Variants in PAX3 observed in about 807,000 individuals in gnomAD.
PAX3 encodes paired box protein Pax-3.
PAX3 carries 14 observed loss-of-function variants against 51.6 expected under a neutral mutation model. That is an observed-to-expected ratio of 0.27 (90% CI 0.18 to 0.42). The LOEUF (loss-of-function observed/expected upper bound fraction) is 0.42. Among genes scored for constraint, PAX3 ranks in the 10% least tolerant of loss-of-function variants. PAX3 has a pLI of 1.00. For synonymous variants in PAX3, 280 were observed against 253.4 expected, an observed-to-expected ratio of 1.11 and a Z score of -1.00; for missense variants, 540 against 642.8, an observed-to-expected ratio of 0.84 and a Z score of 1.73.
Position 222,221,294 on chromosome 2 carries a change from G to A in PAX3, c.886C>T (p.Pro296Ser). The A allele has an allele frequency of 6.2e-7, 1 of 1,614,072 alleles. No homozygotes were observed. Among genetic ancestry groups the A allele is most frequent in the South Asian group, 1.1e-5 (1 of 91,080 alleles). The change falls in exon 6 of 9, where the codon CCC becomes TCC. Residue 296 changes from proline (P) to serine (S), a missense_variant. This residue lies in a region of PAX3 where 427 missense variants were observed against 483.6 expected (regional missense o/e 0.88). Transcript: ENST00000392070. ...GTTGGCAAGGTCGGCATGGCAGTGG[G>A]AGGGAACCCCCCGGGAATGAGATGG... is the stretch of plus-strand genomic sequence containing the variant. ...FNHLIPGGFP[P>S]TAMPTLPTYQ...
rs546002140 is a variant in PAX3, at chr2:222,229,830, A to G, written c.792+2248T>C. On this transcript the variant is annotated intron_variant, in intron 5 of 8. Coordinates refer to ENST00000392070, the MANE Select transcript of PAX3 (RefSeq NM_181458.4). ...GCTCATATAATTCCCTATTACTAAT[A>G]TACTCTCCTTATGCACCTGGTCCAG... 1.1e-4 allele frequency among the ~76,000 whole-genome samples: 16 copies of G among 152,310 alleles called. 1 individual carries two copies. The South Asian group carries it at 2.1e-3, about 20-fold the overall frequency.
chr2:222,216,557 C>T (rs1259789824), intron 7 of PAX3, among the ~76,000 whole-genome samples: 1 of 152,196 alleles, frequency 6.6e-6, no homozygotes, highest in Non-Finnish European at 1.5e-5. Context: ...CACACCAGCC[C>T]CTCATGAAGC....
intron 7 of PAX3, 137 bp from the exon 8 acceptor site, chr2:222,202,327 ACC>A (rs1481503954): frequency 5.5e-6 from 4 of 733,478 alleles, no homozygotes; most frequent in Non-Finnish European, 9.6e-6. Context: ...GAGACTATGA[ACC>A]CAATTCTAAG....
At chr2:222,296,536 A>T (rs1025043171) in intron 2 of PAX3, among the ~76,000 whole-genome samples, 1 of 152,098 alleles carries the variant, frequency 6.6e-6, no homozygotes, top group Admixed American at 6.5e-5. Flanking sequence ...ACTGGGGGAG[A>T]CTGAGGGCGG....
At chr2:222,210,459 T>C (rs1691682129) in intron 7 of PAX3, among the ~76,000 whole-genome samples, 3 of 152,262 alleles carry the variant, frequency 2.0e-5, no homozygotes, top group South Asian at 4.1e-4. Flanking sequence ...GACTGTATAT[T>C]TTCAAAAATA....
intron 7 of PAX3, among the ~76,000 whole-genome samples, chr2:222,211,369 ACT>A (rs1176761887): frequency 6.6e-6 from 1 of 152,058 alleles, no homozygotes; most frequent in Non-Finnish European, 1.5e-5. Context: ...CTAAGTTTGA[ACT>A]CTATTGGTGC....
chr2:222,284,348 G>C (rs1414714090), intron 4 of PAX3, among the ~76,000 whole-genome samples: 1 of 152,186 alleles, frequency 6.6e-6, no homozygotes, highest in Non-Finnish European at 1.5e-5. Context: ...TTCCTGATCT[G>C]CTGAAAAAAC....
At chr2:222,257,371 T>C (rs1182780139) in intron 4 of PAX3, among the ~76,000 whole-genome samples, 1 of 152,250 alleles carries the variant, frequency 6.6e-6, no homozygotes, top group East Asian at 1.9e-4. Context: ...TGTACTTTTA[T>C]GTTTTAAGCA....
At chr2:222,219,562 T>C (rs1692101481) in intron 7 of PAX3, among the ~76,000 whole-genome samples, 2 of 152,188 alleles carry the variant, frequency 1.3e-5, no homozygotes, top group South Asian at 4.1e-4. Context: ...CATTCAAATA[T>C]TTATATAGTC....
chr2:222,280,991 G>T (rs1191112362), intron 4 of PAX3, among the ~76,000 whole-genome samples: 1 of 152,214 alleles, frequency 6.6e-6, no homozygotes, highest in Non-Finnish European at 1.5e-5. Flanking sequence ...ACAGACACTG[G>T]CTTCTAGTAA....
intron 4 of PAX3, among the ~76,000 whole-genome samples, chr2:222,269,568 AT>A (rs967341039): frequency 1.3e-4 from 20 of 152,020 alleles, no homozygotes; most frequent in African/African-American, 4.8e-4. Flanking sequence ...GAGTAAACAA[AT>A]TTTTTTAAAA....
At chr2:222,220,095 G>A (rs762097866) in intron 7 of PAX3, 45 bp downstream of exon 7, 2 of 1,519,644 alleles carry the variant, frequency 1.3e-6, no homozygotes, top group Admixed American at 1.7e-5. Context: ...TGAATATTTG[G>A]TTCTGGTATA....
rs1277427402 is a variant in PAX3 at position 222,261,639 on chromosome 2, T to A, written c.587-29356A>T. On this transcript the variant is annotated intron_variant, in intron 4 of 8. Transcript: ENST00000392070. ...AAGAAAAAGAAAAAGAAACACCAAC[T>A]TCTTACCTTCTACTTCCCTTCCCAA... Among the ~76,000 whole-genome samples the A allele has an allele frequency of 2.0e-5, 3 of 152,078 alleles. No homozygotes were observed. The East Asian group carries it at 5.8e-4, about 29-fold the overall frequency.
intron 7 of PAX3, among the ~76,000 whole-genome samples, chr2:222,216,797 C>T (rs990499398): frequency 6.6e-6 from 1 of 152,012 alleles, no homozygotes; most frequent in South Asian, 2.1e-4. Flanking sequence ...ACTAGAAAGC[C>T]CACTCTACAA....
At chr2:222,298,474 T>C (rs1695426002) in intron 1 of PAX3, 57 bp downstream of exon 1, 17 of 1,425,640 alleles carry the variant, frequency 1.2e-5, no homozygotes, top group Non-Finnish European at 1.5e-5. Context: ...GGGGATGGGG[T>C]GAGGCAGCCG....
At chr2:222,276,586 C>T (rs879604071) in intron 4 of PAX3, among the ~76,000 whole-genome samples, 11 of 152,178 alleles carry the variant, frequency 7.2e-5, no homozygotes, top group African/African-American at 7.2e-5. Flanking sequence ...TGGGAGAGAC[C>T]GTGGCCTTCA....
intron 5 of PAX3, among the ~76,000 whole-genome samples, chr2:222,230,144 C>A (rs1045050049): frequency 6.6e-6 from 1 of 151,756 alleles, no homozygotes; most frequent in Admixed American, 6.6e-5. Flanking sequence ...CCACTGTACT[C>A]CAACCTGGGC....
intron 1 of PAX3, 171 bp downstream of exon 1, chr2:222,298,360 A>G (rs1375590066): frequency 6.4e-6 from 4 of 622,738 alleles, no homozygotes; most frequent in African/African-American, 1.8e-5. Context: ...CTCCATTTGC[A>G]GAAAGGAAAT....
rs371488082 is a variant in PAX3, at chr2:222,271,009, G to C, written c.586+23158C>G. On this transcript the variant is annotated intron_variant, in intron 4 of 8. Coordinates refer to ENST00000392070, the MANE Select transcript of PAX3 (RefSeq NM_181458.4). ...AACCTTGTTTCAATGAGTACAAAAGGAATCAACAGATTCTAAGTAAATAAT... is the reference window on the plus strand; with the variant it reads ...AACCTTGTTTCAATGAGTACAAAAGCAATCAACAGATTCTAAGTAAATAAT... Among the ~76,000 whole-genome samples the C allele has an allele frequency of 5.9e-5, 9 of 152,288 alleles. No homozygotes were observed. The South Asian group carries it at 1.2e-3, about 21-fold the overall frequency.
Sources: allele counts gnomAD v4.1 joint callset (sites outside exome capture counted in the v4.1 genomes callset), GRCh38; gene constraint gnomAD v4.1.1; regional missense constraint gnomAD v4.1.1; transcripts MANE v1.5; gene names NCBI Gene and HGNC (gene_info 2026-07-23, HGNC 2026-07-21).